AFF2: variants seen among roughly 807,000 people sequenced by gnomAD.
The protein encoded by AFF2 is AF4/FMR2 family member 2.
In AFF2, 14 loss-of-function variants were observed where a neutral mutation model predicts 76.9. That is an observed-to-expected ratio of 0.18 (90% confidence interval 0.12 to 0.28). AFF2 has a LOEUF of 0.28. AFF2 is among the 10% of genes least tolerant of loss of function. AFF2 has a pLI of 1.00. For synonymous variants in AFF2, 398 were observed against 366.7 expected (o/e 1.09, Z -0.98); for missense variants, 868 against 1,001.1 (o/e 0.87, Z 1.79).
Position 148,962,953 on chromosome X carries a change from G to A in AFF2, c.2913+16G>A, listed in dbSNP as rs782714567. 1 of 1,086,623 alleles carries A rather than the reference G, an allele frequency of 9.2e-7. No individual in the cohort carries two copies. The highest frequency in any genetic ancestry group is 1.9e-5 in the South Asian group (1 of 53,637). 89.5% of individuals were successfully genotyped at this position (1,086,623 alleles called of 1,213,427 possible). On this transcript the variant is annotated intron_variant, in intron 13 of 20. Coordinates refer to ENST00000370460, the MANE Select transcript of AFF2 (RefSeq NM_002025.4). The stretch of plus-strand genomic sequence containing the variant: ...ATCGGTAAATGTAAGCATCTTGGAA[G>A]AAATATTATTATTGTCAGGTAGAAA...
chrX:148,593,011 C>T (rs2053537960), intron 1 of AFF2, among the ~76,000 whole-genome samples: 1 of 111,859 alleles, frequency 8.9e-6, no homozygotes, highest in Admixed American at 9.4e-5. Flanking sequence ...TTCAGAACCT[C>T]AGGTTGTTCT....
intron 1 of AFF2, among the ~76,000 whole-genome samples, chrX:148,541,121 T>C (rs2052849329): frequency 8.9e-6 from 1 of 112,126 alleles, no homozygotes. Context: ...GAAAATATGC[T>C]ACTTTGATCA....
chrX:148,988,230 G>A (rs959444956), intron 20 of AFF2, among the ~76,000 whole-genome samples: 2 of 112,151 alleles, frequency 1.8e-5, no homozygotes, highest in Non-Finnish European at 3.8e-5. Flanking sequence ...AAGGTGGGAA[G>A]TAAAATTAAA....
chrX:148,973,114 G>A (rs990655979), intron 15 of AFF2, among the ~76,000 whole-genome samples: 1 of 106,341 alleles, frequency 9.4e-6, no homozygotes, highest in African/African-American at 3.5e-5. Flanking sequence ...TGAGGGCTCT[G>A]TTCTGTTCCA....
intron 15 of AFF2, among the ~76,000 whole-genome samples, chrX:148,971,747 C>CTTTTTTTTTTTTTTTTTATTTT (rs2072257080): frequency 2.2e-5 from 1 of 44,731 alleles, no homozygotes; most frequent in African/African-American, 9.5e-5. Flanking sequence ...TTTTCTATTT[C>CTTTTTTTTTTTTTTTTTATTTT]TTTTTTTTTT....
At chrX:148,918,876 C>T (rs1557282902) in intron 9 of AFF2, among the ~76,000 whole-genome samples, 1 of 111,737 alleles carries the variant, frequency 8.9e-6, no homozygotes, top group Non-Finnish European at 1.9e-5. Context: ...AAAGTACAGA[C>T]TGCATCTGAT....
chrX:148,668,779 G>A (rs1206488928), intron 3 of AFF2, among the ~76,000 whole-genome samples: 1 of 112,140 alleles, frequency 8.9e-6, no homozygotes, highest in Non-Finnish European at 1.9e-5. Flanking sequence ...GTGATGGGAG[G>A]GGCTGCTGTG....
chrX:148,956,644 T>G, intron 11 of AFF2, 31 bp downstream of exon 11: 1 of 1,155,245 alleles, frequency 8.7e-7, no homozygotes, highest in Non-Finnish European at 1.2e-6. Context: ...TGCCAAGTGC[T>G]TGTGAGCAGT....
At chrX:148,601,409 C>T (rs2053625396) in intron 1 of AFF2, among the ~76,000 whole-genome samples, 2 of 111,726 alleles carry the variant, frequency 1.8e-5, no homozygotes, top group Admixed American at 9.5e-5. Flanking sequence ...CTATGTAAAT[C>T]GTCAATGAAT....
chrX:148,894,896 G>T (rs6540407), intron 8 of AFF2, among the ~76,000 whole-genome samples: 21,491 of 107,805 alleles, frequency 0.2, 4,240 homozygotes, highest in African/African-American at 0.61. Context: ...GAGATAGATA[G>T]ATATATATAT....
intron 3 of AFF2, among the ~76,000 whole-genome samples, chrX:148,669,816 G>A (rs1366880962): frequency 9.0e-6 from 1 of 111,312 alleles, no homozygotes; most frequent in Non-Finnish European, 1.9e-5. Flanking sequence ...ATAGTACTGA[G>A]TCCAAGGCTA....
At chrX:148,749,058 G>A (rs1198562022) in intron 3 of AFF2, among the ~76,000 whole-genome samples, 1 of 111,265 alleles carries the variant, frequency 9.0e-6, no homozygotes, top group African/African-American at 3.3e-5. Flanking sequence ...AATTTTTGGA[G>A]GAACTGTAAA....
rs2052331873 is a variant in AFF2, at chrX:148,500,673, C to CGCCGCCGCCGCCGCCGCT, written c.-414_-413insCGCCGCTGCCGCCGCCGC. ...CCGCCGCCGCCGCCGCCGCCGCCGC[C>CGCCGCCGCCGCCGCCGCT]GCCGCCGCCGCTGCCGCCCCGGCTG... is the stretch of plus-strand genomic sequence containing the variant. On this transcript the variant is annotated 5_prime_UTR_variant, in exon 1 of 21. Coordinates refer to ENST00000370460, the MANE Select transcript of AFF2 (RefSeq NM_002025.4). 2 of 96,818 alleles carry CGCCGCCGCCGCCGCCGCT rather than the reference C, an allele frequency of 2.1e-5. No individual in the cohort carries two copies. The highest frequency in any genetic ancestry group is 2.1e-4 in the Admixed American group (2 of 9,381). 8.0% of individuals were successfully genotyped at this position (96,818 alleles called of 1,213,427 possible).
At chrX:148,645,200 C>T (rs1183142524) in intron 1 of AFF2, among the ~76,000 whole-genome samples, 2 of 111,564 alleles carry the variant, frequency 1.8e-5, no homozygotes, top group Non-Finnish European at 3.8e-5. Context: ...GACCCAAAAG[C>T]TATAAAGAGA....
At chrX:148,701,472 A>T (rs2054799414) in intron 3 of AFF2, among the ~76,000 whole-genome samples, 1 of 111,958 alleles carries the variant, frequency 8.9e-6, no homozygotes, top group Non-Finnish European at 1.9e-5. Flanking sequence ...TTTCCAGGGA[A>T]TTTATATAAT....
In AFF2 at chrX:148,596,122, C is replaced by G. The variant is rs2053569037; in HGVS notation, c.48-55877C>G. Among the ~76,000 whole-genome samples, 2 of 111,428 alleles carry G rather than the reference C, an allele frequency of 1.8e-5. 1 individual carries two copies. Among genetic ancestry groups the G allele is most frequent in the Admixed American group, 1.9e-4 (2 of 10,537 alleles). ...TGGCAAATACAACAATGAAAACTGC[C>G]TTGAGATAGAAAATGAAATGCACAA... On this transcript the variant is annotated intron_variant, in intron 1 of 20. Transcript: ENST00000370460.
At chrX:148,831,801 C>G (rs73607906) in intron 4 of AFF2, among the ~76,000 whole-genome samples, 4 of 112,166 alleles carry the variant, frequency 3.6e-5, no homozygotes, top group Non-Finnish European at 7.5e-5. Context: ...CTTCATTCCC[C>G]CTTTTCTGGC....
chrX:148,527,488 TAA>T (rs2052676348), intron 1 of AFF2, among the ~76,000 whole-genome samples: 1 of 111,385 alleles, frequency 9.0e-6, no homozygotes, highest in South Asian at 3.8e-4. Flanking sequence ...GAAATCTAAA[TAA>T]AGTTTGTAGG....
At chrX:148,928,052 T>G (rs1373003935) in intron 9 of AFF2, among the ~76,000 whole-genome samples, 1 of 111,938 alleles carries the variant, frequency 8.9e-6, no homozygotes, top group Non-Finnish European at 1.9e-5. Flanking sequence ...TAGTGTATCT[T>G]AAATATAAAC....
Sources: gnomAD v4.1 joint callset for allele counts (sites outside exome capture counted in the v4.1 genomes callset) on GRCh38, gnomAD v4.1.1 for gene constraint, MANE v1.5 for transcripts, NCBI Gene and HGNC (gene_info 2026-07-23, HGNC 2026-07-21) for gene names.